The following TRAPPC2 variants were observed in gnomAD, a reference collection of about 807,000 sequenced individuals.
The protein encoded by TRAPPC2 is trafficking protein particle complex subunit 2, also known as sedlin.
Under a neutral mutation model 10.0 loss-of-function variants are expected in TRAPPC2, and 4 were observed. The observed-to-expected ratio is 0.40, with a 90% CI of 0.20 to 0.92. The LOEUF is 0.92. Ranked by LOEUF, TRAPPC2 falls within the 40% of genes least tolerant of loss-of-function variation. TRAPPC2 has a pLI of 0.35. For missense variants in TRAPPC2, 52 were observed against 108.7 expected (o/e 0.48, Z 2.32); for synonymous variants, 36 against 37.3 (o/e 0.97, Z 0.12).
At chrX:13,729,267 C>T (rs1602741317) in intron 2 of TRAPPC2, among the ~76,000 whole-genome samples, 1 of 111,675 alleles carries the variant, frequency 9.0e-6, no homozygotes, top group East Asian at 2.8e-4. Context: ...TCATATGGAA[C>T]CAAAAAAGAG....
At chrX:13,725,703 C>T (rs2046532448) in intron 2 of TRAPPC2, among the ~76,000 whole-genome samples, 1 of 112,363 alleles carries the variant, frequency 8.9e-6, no homozygotes. Flanking sequence ...CTCTTCTCCT[C>T]CAAAGGATTG....
intron 2 of TRAPPC2, among the ~76,000 whole-genome samples, chrX:13,726,272 C>T (rs1266847338): frequency 9.0e-6 from 1 of 111,511 alleles, no homozygotes; most frequent in Admixed American, 9.5e-5. Context: ...CACAAAGATA[C>T]TCCTCGAGAA....
intron 3 of TRAPPC2, 29 bp from the exon 4 acceptor site, chrX:13,716,707 T>G: frequency 2.5e-6 from 3 of 1,205,373 alleles, no homozygotes; most frequent in Middle Eastern, 2.3e-4. Flanking sequence ...AACCACAGAT[T>G]AACATTTGCA....
intron 2 of TRAPPC2, among the ~76,000 whole-genome samples, chrX:13,731,557 G>A (rs938505797): frequency 1.8e-5 from 2 of 112,091 alleles, no homozygotes; most frequent in African/African-American, 6.5e-5. Context: ...TGGAGCCTGA[G>A]TGAAAATACA....
Position 13,734,277 on chromosome X carries a change from G to A in TRAPPC2, c.-161-92C>T. 1.1e-5 allele frequency: 4 copies of A among 369,037 alleles called. No individual in the cohort carries two copies. The Middle Eastern group carries it at 2.2e-3, about 202-fold the overall frequency. 30.4% of individuals were successfully genotyped at this position (369,037 alleles called of 1,213,427 possible). A position where few individuals can be genotyped will look rare whatever the true frequency, so the allele number is the denominator to read the frequency against. ...AATCTTCCGGCTCCAAAAGGCAACA[G>A]TGCAGCCGTTAAGAAACCCTGGGTT... On this transcript the variant is annotated intron_variant, in intron 1 of 5. Coordinates refer to ENST00000380579, the MANE Select transcript of TRAPPC2 (RefSeq NM_001011658.4).
intron 2 of TRAPPC2, among the ~76,000 whole-genome samples, chrX:13,726,588 A>T (rs1401797285): frequency 1.8e-5 from 2 of 112,010 alleles, no homozygotes; most frequent in Non-Finnish European, 3.8e-5. Flanking sequence ...CCTGCCTTAC[A>T]AGAGCTCCTG....
chrX:13,726,554 A>C (rs1227781300), intron 2 of TRAPPC2, among the ~76,000 whole-genome samples: 1 of 111,635 alleles, frequency 9.0e-6, no homozygotes, highest in Non-Finnish European at 1.9e-5. Flanking sequence ...GAAGGAAATG[A>C]TGAGAGATTT....
intron 2 of TRAPPC2, among the ~76,000 whole-genome samples, chrX:13,724,981 C>T (rs1009293508): frequency 3.5e-5 from 4 of 113,313 alleles, no homozygotes; most frequent in Non-Finnish European, 7.5e-5. Context: ...CCCACGCCCA[C>T]GGAGCCTTGC....
At chrX:13,716,431 CTG>C (rs2046287336) in intron 4 of TRAPPC2, 101 bp downstream of exon 4, 3 of 1,005,758 alleles carry the variant, frequency 3.0e-6, no homozygotes, top group Admixed American at 2.5e-5. Flanking sequence ...TTTCACCTGA[CTG>C]TGAAGTCTAC....
At chrX:13,728,688 CACAAG>C (rs1446716152) in intron 2 of TRAPPC2, among the ~76,000 whole-genome samples, 1 of 112,087 alleles carries the variant, frequency 8.9e-6, no homozygotes, top group Non-Finnish European at 1.9e-5. Flanking sequence ...TCAAAACTGG[CACAAG>C]ACAAGGATGC....
At chrX:13,718,467 GTTATGCAACAAAGTA>G (rs145056468) in intron 3 of TRAPPC2, among the ~76,000 whole-genome samples, 31,926 of 111,311 alleles carry the variant, frequency 0.29, 3,492 homozygotes, top group South Asian at 0.47. Context: ...CTAAAATCAA[GTTATGCAACAAAGTA>G]TTTTTATGTG....
In TRAPPC2 at chrX:13,724,825, C is replaced by G. The variant is rs930042913; in HGVS notation, c.-19-4843G>C. Among the ~76,000 whole-genome samples the G allele has an allele frequency of 2.7e-5, 3 of 112,404 alleles. No individual in the cohort carries two copies. In the South Asian group the frequency reaches 1.1e-3, roughly 42 times the overall value. ...GCCTCACCCAGAAAGTGCAAGGGGT[C>G]GGGGGATTTCCCTCTCCTAGCCAAG... On this transcript the variant is annotated intron_variant, in intron 2 of 5. Transcript: ENST00000380579.
intron 2 of TRAPPC2, among the ~76,000 whole-genome samples, chrX:13,726,604 A>G (rs1002247561): frequency 7.1e-5 from 8 of 112,069 alleles, no homozygotes; most frequent in African/African-American, 2.6e-4. Context: ...TCCTGAAGGA[A>G]GCACTAAACA....
At chrX:13,718,696 A>G (rs1213753630) in intron 3 of TRAPPC2, among the ~76,000 whole-genome samples, 1 of 112,641 alleles carries the variant, frequency 8.9e-6, no homozygotes, top group African/African-American at 3.2e-5. Flanking sequence ...GCAAGGCCTG[A>G]ATAGTTGAAA....
Position 13,712,795 on chromosome X carries a change from G to T in TRAPPC2, c.*1612C>A, listed in dbSNP as rs1058897. ...TTTCTTTGGCTTCTTGAGTAGTGCT[G>T]TGTATACTGCCTATACATTTTTATA... is the stretch of plus-strand genomic sequence containing the variant. On this transcript the variant is annotated 3_prime_UTR_variant, in exon 6 of 6. Coordinates refer to ENST00000380579, the MANE Select transcript of TRAPPC2 (RefSeq NM_001011658.4). 1 of 112,380 alleles carries T rather than the reference G, an allele frequency of 8.9e-6. No individual in the cohort carries two copies. The highest frequency in any genetic ancestry group is 2.8e-4 in the East Asian group (1 of 3,601). 9.3% of individuals were successfully genotyped at this position (112,380 alleles called of 1,213,427 possible). A position where few individuals can be genotyped will look rare whatever the true frequency, so the allele number is the denominator to read the frequency against.
intron 3 of TRAPPC2, among the ~76,000 whole-genome samples, chrX:13,717,444 T>C (rs1453781308): frequency 8.9e-6 from 1 of 112,281 alleles, no homozygotes; most frequent in Non-Finnish European, 1.9e-5. Context: ...TGTAGTTCTT[T>C]GAAAATACAT....
chrX:13,728,158 T>A (rs923975509), intron 2 of TRAPPC2, among the ~76,000 whole-genome samples: 21 of 112,054 alleles, frequency 1.9e-4, no homozygotes, highest in African/African-American at 6.2e-4. Flanking sequence ...CACATCCGAA[T>A]TCTACCAGAG....
intron 2 of TRAPPC2, chrX:13,722,219 A>AAAG (rs2046432152): frequency 1.0e-5 from 1 of 99,114 alleles, no homozygotes; most frequent in East Asian, 3.0e-4. Context: ...AAAAAAAAAA[A>AAAG]AAAAAAAAAA....
intron 4 of TRAPPC2, chrX:13,716,305 A>G: frequency 1.8e-6 from 1 of 554,718 alleles, no homozygotes; most frequent in Non-Finnish European, 2.9e-6. Flanking sequence ...ATCACCCTTG[A>G]TAGGGTCCAG....
Sources: gnomAD v4.1 joint callset for allele counts (sites outside exome capture counted in the v4.1 genomes callset) on GRCh38, gnomAD v4.1.1 for gene constraint, MANE v1.5 for transcripts, NCBI Gene and HGNC (gene_info 2026-07-23, HGNC 2026-07-21) for gene names.